LRRFIP1: variants seen among roughly 807,000 people sequenced by gnomAD.
LRRFIP1 encodes the protein leucine-rich repeat flightless-interacting protein 1.
In LRRFIP1, 62 loss-of-function variants were observed where a neutral mutation model predicts 104.4. The ratio of observed to expected loss-of-function variants is 0.59; its 90% CI spans 0.48 to 0.73. The LOEUF is 0.73. LRRFIP1 is among the 30% of genes least tolerant of loss of function. LRRFIP1 has a pLI of 0.00. For synonymous variants in LRRFIP1, 300 were observed against 299.0 expected, an observed-to-expected ratio of 1.00 and a Z score of -0.03; for missense variants, 796 against 824.5, an observed-to-expected ratio of 0.97 and a Z score of 0.42.
chr2:237,773,699 A>G (rs6710842), intron 22 of LRRFIP1, among the ~76,000 whole-genome samples: 17,991 of 152,126 alleles, frequency 0.12, 1,678 homozygotes, highest in African/African-American at 0.27. Flanking sequence ...CCTGGGCCCT[A>G]GGGCAATTTG....
intron 1 of LRRFIP1, among the ~76,000 whole-genome samples, chr2:237,637,454 C>T (rs1324394938): frequency 1.3e-5 from 2 of 152,002 alleles, no homozygotes; most frequent in African/African-American, 4.8e-5. Flanking sequence ...GGCAGCAGAG[C>T]GAGACTCCAT....
At chr2:237,697,806 C>A (rs560735753) in intron 1 of LRRFIP1, among the ~76,000 whole-genome samples, 2 of 152,262 alleles carry the variant, frequency 1.3e-5, no homozygotes, top group African/African-American at 4.8e-5. Context: ...ACAGGGGAGG[C>A]CCAGCCGCCC....
chr2:237,647,239 G>A (rs1270069460), intron 1 of LRRFIP1, among the ~76,000 whole-genome samples: 1 of 151,946 alleles, frequency 6.6e-6, no homozygotes, highest in Non-Finnish European at 1.5e-5. Flanking sequence ...TCTCTCTTGG[G>A]CACACTGGAG....
chr2:237,669,016 G>C (rs962087739), intron 1 of LRRFIP1, among the ~76,000 whole-genome samples: 1 of 151,898 alleles, frequency 6.6e-6, no homozygotes, highest in Admixed American at 6.6e-5. Flanking sequence ...TTTTTTTAAG[G>C]AAAGAAATAA....
At chr2:237,718,148 G>A (rs1328826341) in intron 4 of LRRFIP1, among the ~76,000 whole-genome samples, 4 of 152,240 alleles carry the variant, frequency 2.6e-5, no homozygotes, top group Non-Finnish European at 5.9e-5. Flanking sequence ...CTCGGGCTGG[G>A]CATGCGCCCC....
chr2:237,637,952 A>G (rs1156780517), intron 1 of LRRFIP1, among the ~76,000 whole-genome samples: 1 of 152,132 alleles, frequency 6.6e-6, no homozygotes, highest in Non-Finnish European at 1.5e-5. Flanking sequence ...CTGACCAAAC[A>G]GCTAGCATGG....
chr2:237,727,080 G>T (rs544880231), intron 7 of LRRFIP1, among the ~76,000 whole-genome samples: 1 of 152,120 alleles, frequency 6.6e-6, no homozygotes, highest in African/African-American at 2.4e-5. Context: ...TTCTGAGGCC[G>T]GGCGCGATGG....
chr2:237,692,352 C>T (rs112369010), intron 1 of LRRFIP1: 9 of 1,272,634 alleles, frequency 7.1e-6, no homozygotes, highest in East Asian at 3.2e-5. Flanking sequence ...CGAGTGGCTC[C>T]GTCTCCGCGG....
At position 237,717,744 on chromosome 2, in the gene LRRFIP1, T is replaced by C; in HGVS notation, c.202-18T>C. 3 of 1,600,186 alleles carry C rather than the reference T, an allele frequency of 1.9e-6. No individual in the cohort carries two copies. The highest frequency in any genetic ancestry group is 1.7e-4 in the Middle Eastern group (1 of 6,046). ...AAATTTCACTTCTTGCCTAATTTTC[T>C]TTCCCTTCTGTCTATAGAAATATTA... On this transcript the variant is annotated intron_variant, in intron 3 of 23. Coordinates refer to ENST00000308482, the MANE Select transcript of LRRFIP1 (RefSeq NM_001137550.2). This position sits in a 1 kb window ranked among gnomAD's most constrained non-coding sequence, Gnocchi z 4.2.
At chr2:237,776,073 A>G (rs1386108117) in intron 23 of LRRFIP1, among the ~76,000 whole-genome samples, 1 of 151,686 alleles carries the variant, frequency 6.6e-6, no homozygotes, top group Non-Finnish European at 1.5e-5. Flanking sequence ...CAAGCCTCCC[A>G]CCTCAGCCTC....
chr2:237,749,013 A>G (rs1252249068), intron 12 of LRRFIP1, among the ~76,000 whole-genome samples, 186 bp from the exon 13 acceptor site: 1 of 152,222 alleles, frequency 6.6e-6, no homozygotes, highest in Non-Finnish European at 1.5e-5. Flanking sequence ...CAAAGCCATC[A>G]GATCTCCTGG....
At chr2:237,659,132 C>T (rs1399783096) in intron 1 of LRRFIP1, among the ~76,000 whole-genome samples, 1 of 152,072 alleles carries the variant, frequency 6.6e-6, no homozygotes, top group Non-Finnish European at 1.5e-5. Context: ...CTCGTTCCCT[C>T]ACCCAGGCTA....
chr2:237,652,393 A>T (rs1285979658), intron 1 of LRRFIP1, among the ~76,000 whole-genome samples: 3 of 152,216 alleles, frequency 2.0e-5, no homozygotes, highest in Admixed American at 6.5e-5. Flanking sequence ...AGAACCAGCA[A>T]AGGGAGTTGG....
intron 4 of LRRFIP1, among the ~76,000 whole-genome samples, 170 bp from the exon 5 acceptor site, chr2:237,719,353 T>C (rs552018864): frequency 5.3e-5 from 8 of 152,366 alleles, no homozygotes; most frequent in Admixed American, 5.2e-4. Flanking sequence ...AAAAACATTT[T>C]TACCCACTGG....
intron 11 of LRRFIP1, among the ~76,000 whole-genome samples, chr2:237,742,934 C>T (rs2150505340): frequency 6.6e-6 from 1 of 152,118 alleles, no homozygotes; most frequent in South Asian, 2.1e-4. Flanking sequence ...TCATTCCTGG[C>T]TTGGGACATC....
At chr2:237,747,049 G>T (rs1576185785) in intron 11 of LRRFIP1, among the ~76,000 whole-genome samples, 1 of 152,328 alleles carries the variant, frequency 6.6e-6, no homozygotes, top group East Asian at 1.9e-4. Context: ...TGAACACCCA[G>T]GTGTGGGGTG....
At chr2:237,772,708 T>G in intron 21 of LRRFIP1, 158 bp from the exon 22 acceptor site, 1 of 613,760 alleles carries the variant, frequency 1.6e-6, no homozygotes, top group South Asian at 2.0e-5. Flanking sequence ...AGAGAGTGCC[T>G]TCTCCTACTC....
intron 7 of LRRFIP1, among the ~76,000 whole-genome samples, chr2:237,727,326 A>G (rs1488666891): frequency 1.3e-5 from 2 of 150,370 alleles, no homozygotes; most frequent in Non-Finnish European, 3.0e-5. Context: ...ACTGCATTCT[A>G]GCCTGGGCGA....
chr2:237,737,743 G>A (rs2095296308), intron 10 of LRRFIP1, among the ~76,000 whole-genome samples: 1 of 152,214 alleles, frequency 6.6e-6, no homozygotes, highest in South Asian at 2.1e-4. Flanking sequence ...ATGCCAAAAA[G>A]TGAGGCTAGT....
Sources: gnomAD v4.1 joint callset for allele counts (sites outside exome capture counted in the v4.1 genomes callset) on GRCh38, gnomAD v4.1.1 for gene constraint, Gnocchi (gnomAD v3.1) non-coding constraint, MANE v1.5 for transcripts, NCBI Gene and HGNC (gene_info 2026-07-23, HGNC 2026-07-21) for gene names.